Variants in ARB2A observed in about 807,000 individuals in gnomAD.
The protein encoded by ARB2A is ARB2 cotranscriptional regulator A.
At chr5:93,744,151 C>G in the ARB2A span, among the ~76,000 whole-genome samples, 26 of 152,090 alleles carry the variant, frequency 1.7e-4, no homozygotes, top group African/African-American at 6.3e-4. Context: ...TAAAAAGTAA[C>G]CTTGGCCAGG....
chr5:93,715,656 T>A, the ARB2A span, among the ~76,000 whole-genome samples: 13,088 of 151,888 alleles, frequency 0.086, 735 homozygotes, highest in Middle Eastern at 0.17. Flanking sequence ...TTTTTTTTTT[T>A]TTATTAGGGA....
the ARB2A span, among the ~76,000 whole-genome samples, chr5:93,991,376 C>T: frequency 6.6e-6 from 1 of 152,028 alleles, no homozygotes; most frequent in African/African-American, 2.4e-5. Flanking sequence ...ATAATATTTA[C>T]AATGACCACC....
At chr5:93,818,596 T>A in the ARB2A span, among the ~76,000 whole-genome samples, 9 of 152,200 alleles carry the variant, frequency 5.9e-5, no homozygotes, top group African/African-American at 2.2e-4. Flanking sequence ...TAGACTGCCA[T>A]ATAACATTGT....
chr5:93,780,804 CT>C, the ARB2A span, among the ~76,000 whole-genome samples: 9 of 152,146 alleles, frequency 5.9e-5, no homozygotes, highest in Non-Finnish European at 1.0e-4. Context: ...GATGATCCAC[CT>C]GCCTTGGCCT....
the ARB2A span, among the ~76,000 whole-genome samples, chr5:93,941,645 G>GA: frequency 1.9e-4 from 29 of 152,180 alleles, no homozygotes; most frequent in South Asian, 5.8e-3. Flanking sequence ...GCATGTCATT[G>GA]AAAAATACAA....
the ARB2A span, among the ~76,000 whole-genome samples, chr5:93,905,516 G>T: frequency 2.0e-5 from 3 of 151,524 alleles, no homozygotes; most frequent in African/African-American, 4.8e-5. Flanking sequence ...TCTCTTCAGG[G>T]TTTATAACGA....
the ARB2A span, among the ~76,000 whole-genome samples, chr5:93,856,393 A>C: frequency 6.6e-6 from 1 of 152,082 alleles, no homozygotes; most frequent in Non-Finnish European, 1.5e-5. Flanking sequence ...ACTGGGTTCC[A>C]TTCTCCCCGT....
the ARB2A span, among the ~76,000 whole-genome samples, chr5:93,645,563 A>T: frequency 6.8e-6 from 1 of 147,266 alleles, no homozygotes; most frequent in Non-Finnish European, 1.5e-5. Flanking sequence ...ACAGAGTGAG[A>T]CTCCGTCTCA....
chr5:93,936,354 A>G, the ARB2A span, among the ~76,000 whole-genome samples: 1 of 152,158 alleles, frequency 6.6e-6, no homozygotes, highest in Non-Finnish European at 1.5e-5. Context: ...CAGAACTTGA[A>G]GAGTTTTATG....
the ARB2A span, among the ~76,000 whole-genome samples, chr5:93,713,039 A>G: frequency 6.6e-6 from 1 of 152,192 alleles, no homozygotes; most frequent in Non-Finnish European, 1.5e-5. Flanking sequence ...ATCTGTCACC[A>G]TATACAAAAA....
At chr5:93,966,054 A>C in the ARB2A span, among the ~76,000 whole-genome samples, 1 of 151,978 alleles carries the variant, frequency 6.6e-6, no homozygotes, top group Non-Finnish European at 1.5e-5. Context: ...TTATACCTTC[A>C]CTGGGATGTA....
the ARB2A span, among the ~76,000 whole-genome samples, chr5:93,940,018 T>C: frequency 2.0e-4 from 31 of 152,016 alleles, no homozygotes; most frequent in Non-Finnish European, 3.4e-4. Flanking sequence ...TATTAACTAG[T>C]CTTCTTCCAA....
At chr5:93,924,363 T>A in the ARB2A span, among the ~76,000 whole-genome samples, 1 of 152,212 alleles carries the variant, frequency 6.6e-6, no homozygotes, top group Admixed American at 6.5e-5. Context: ...ATGCCACTGC[T>A]TCCTGCAATC....
chr5:94,071,980 G>A, the ARB2A span, among the ~76,000 whole-genome samples: 3 of 151,926 alleles, frequency 2.0e-5, no homozygotes. Context: ...CCTACAATGG[G>A]TCAATGGTTA....
the ARB2A span, among the ~76,000 whole-genome samples, chr5:93,764,069 A>G: frequency 6.6e-6 from 1 of 152,252 alleles, no homozygotes; most frequent in African/African-American, 2.4e-5. Flanking sequence ...GGAAATTTAT[A>G]GCAATAAATG....
chr5:93,993,465 AC>A, the ARB2A span, among the ~76,000 whole-genome samples: 1 of 152,074 alleles, frequency 6.6e-6, no homozygotes, highest in Admixed American at 6.6e-5. Context: ...AGAATTCCCC[AC>A]ACATTTTTGT....
At chr5:93,992,933 GA>G in the ARB2A span, among the ~76,000 whole-genome samples, 1 of 151,820 alleles carries the variant, frequency 6.6e-6, no homozygotes, top group African/African-American at 2.4e-5. Flanking sequence ...TTTTGTTCCA[GA>G]AAAGACCTAA....
the ARB2A span, among the ~76,000 whole-genome samples, chr5:94,036,845 A>T: frequency 6.6e-6 from 1 of 152,184 alleles, no homozygotes; most frequent in Non-Finnish European, 1.5e-5. Context: ...CTTTATTAGA[A>T]TCCAGGTTTT....
At chr5:93,634,901 A>G in the ARB2A span, among the ~76,000 whole-genome samples, 2 of 151,852 alleles carry the variant, frequency 1.3e-5, no homozygotes, top group Non-Finnish European at 2.9e-5. Context: ...CAGCCTCCCG[A>G]GTAGCTGGGA....
Sources: gnomAD v4.1 joint callset for allele counts (sites outside exome capture counted in the v4.1 genomes callset) on GRCh38, gnomAD v4.1.1 for gene constraint, MANE v1.5 for transcripts, NCBI Gene and HGNC (gene_info 2026-07-23, HGNC 2026-07-21) for gene names.